The following MTHFD1 variants were observed in gnomAD, a reference collection of about 807,000 sequenced individuals.
MTHFD1 encodes C-1-tetrahydrofolate synthase, cytoplasmic.
MTHFD1 carries 44 observed loss-of-function variants against 110.3 expected under a neutral mutation model. The observed-to-expected ratio is 0.40, with a 90% CI of 0.31 to 0.51. The LOEUF is 0.51. MTHFD1 is among the 20% of genes least tolerant of loss of function. MTHFD1 has a pLI of 0.60. For missense variants in MTHFD1, 909 were observed against 1,173.1 expected, an observed-to-expected ratio of 0.77 and a Z score of 3.29; for synonymous variants, 402 against 428.8, an observed-to-expected ratio of 0.94 and a Z score of 0.77.
At chr14:64,441,053 AT>A (rs368314634) in intron 18 of MTHFD1, 15 of 352,864 alleles carry the variant, frequency 4.3e-5, no homozygotes, top group Non-Finnish European at 6.6e-5. Flanking sequence ...TTAGCCGGGC[AT>A]AGTGGCGGGT....
At chr14:64,410,946 A>G in intron 2 of MTHFD1, 144 bp from the exon 3 acceptor site, 1 of 690,572 alleles carries the variant, frequency 1.4e-6, no homozygotes, top group Non-Finnish European at 2.6e-6. Context: ...CTGCCCCCAC[A>G]GCCTCCCTAT....
At chr14:64,407,544 CTCTTTTTTT>C (rs2077944743) in intron 2 of MTHFD1, among the ~76,000 whole-genome samples, 14 of 65,044 alleles carry the variant, frequency 2.2e-4, no homozygotes. Context: ...CTCACTCTCT[CTCTTTTTTT>C]TTTTTTTTTG....
chr14:64,389,913 T>C (rs531971093), intron 1 of MTHFD1, among the ~76,000 whole-genome samples: 61 of 152,334 alleles, frequency 4.0e-4, no homozygotes, highest in Non-Finnish European at 2.5e-4. Flanking sequence ...ATAATAATAG[T>C]GCAGATAATT....
Position 64,416,345 on chromosome 14 carries a change from C to T in MTHFD1, c.478+606C>T, listed in dbSNP as rs571213150. Among the ~76,000 whole-genome samples the T allele has an allele frequency of 2.7e-4, 41 of 152,274 alleles. No homozygotes were observed. In the South Asian group the frequency reaches 8.5e-3, roughly 32 times the overall value. On this transcript the variant is annotated intron_variant, in intron 6 of 27. Coordinates refer to ENST00000652337, the MANE Select transcript of MTHFD1 (RefSeq NM_005956.4). The stretch of plus-strand genomic sequence containing the variant: ...AACCAAGATTTGAATTCAGAGTTAT[C>T]TGAGTTCAAAGCAATTTATTTTAAC...
At chr14:64,429,357 G>C (rs1030944580) in intron 12 of MTHFD1, among the ~76,000 whole-genome samples, 2 of 147,026 alleles carry the variant, frequency 1.4e-5, no homozygotes, top group African/African-American at 5.1e-5. Flanking sequence ...GTCTTGCTCT[G>C]TCTGGAGTCC....
intron 22 of MTHFD1, 47 bp downstream of exon 22, chr14:64,444,781 T>G: frequency 6.3e-7 from 1 of 1,596,150 alleles, no homozygotes; most frequent in Non-Finnish European, 8.6e-7. Context: ...GCACCACACC[T>G]TGAATCAGCA....
At chr14:64,408,450 G>A (rs2077955617) in intron 2 of MTHFD1, among the ~76,000 whole-genome samples, 1 of 152,006 alleles carries the variant, frequency 6.6e-6, no homozygotes, top group Non-Finnish European at 1.5e-5. Flanking sequence ...CATCATGACT[G>A]GCTAATATTT....
At position 64,426,139 on chromosome 14, in the gene MTHFD1, A is replaced by C. The variant is rs747028981; in HGVS notation, c.1074A>C (p.Ser358=). The C allele has an allele frequency of 5.9e-5, 96 of 1,614,180 alleles. No individual in the cohort carries two copies. The highest frequency in any genetic ancestry group is 8.1e-5 in the Non-Finnish European group (95 of 1,180,036). The change falls in exon 11 of 28, where the codon TCA becomes TCC. Residue 358 remains serine, a synonymous_variant. Transcript: ENST00000652337. ...AAACAAAGGCCAAAGTTCTGCTGTC[A>C]GCACTAGAACGCCTGAAGCACCGGC... The part of the protein sequence containing the change: ...YGETKAKVLL[S]ALERLKHRPD...
intron 22 of MTHFD1, among the ~76,000 whole-genome samples, chr14:64,445,780 G>T (rs960542434): frequency 6.6e-6 from 1 of 152,196 alleles, no homozygotes; most frequent in Admixed American, 6.5e-5. Context: ...ACTGCCCCTA[G>T]CTGGCCCAGC....
rs187095066 is a variant in MTHFD1, at chr14:64,434,845, G to T, written c.1495-724G>T. Among the ~76,000 whole-genome samples the T allele has an allele frequency of 5.7e-4, 86 of 150,202 alleles. 2 individuals are homozygous for T. The East Asian group carries it at 0.016, about 28-fold the overall frequency. ...TGTTTTTTTTTTTTTTTTGAGACAG[G>T]GTCTTGCTCTGTCACCCAGGCTGTA... On this transcript the variant is annotated intron_variant, in intron 15 of 27. Transcript: ENST00000652337.
chr14:64,390,314 C>G (rs374053766), intron 1 of MTHFD1: 2 of 144,374 alleles, frequency 1.4e-5, no homozygotes, highest in African/African-American at 5.1e-5. Context: ...GATTCATTAT[C>G]TTTTTTTTTT....
At chr14:64,399,786 T>C (rs1007375788) in intron 1 of MTHFD1, among the ~76,000 whole-genome samples, 25 of 152,184 alleles carry the variant, frequency 1.6e-4, no homozygotes, top group Non-Finnish European at 3.5e-4. Flanking sequence ...TTTTATTTTA[T>C]TTTATTTTGG....
chr14:64,389,359 A>C (rs1428089763), intron 1 of MTHFD1, among the ~76,000 whole-genome samples: 1 of 152,166 alleles, frequency 6.6e-6, no homozygotes, highest in Non-Finnish European at 1.5e-5. Flanking sequence ...CTAAATTGTA[A>C]TTGTCCTGTA....
chr14:64,406,705 C>A (rs2077938970), intron 2 of MTHFD1, among the ~76,000 whole-genome samples: 1 of 152,198 alleles, frequency 6.6e-6, no homozygotes, highest in South Asian at 2.1e-4. Context: ...AGACTGAGCT[C>A]AAGTGATCCA....
At position 64,442,150 on chromosome 14, in the gene MTHFD1, C is replaced by T. The variant is rs2078254437; in HGVS notation, c.1981C>T (p.Pro661Ser). The change falls in exon 20 of 28, where the codon CCA becomes TCA. Residue 661 changes from proline to serine, a missense_variant. This residue lies in a region of MTHFD1 where 482 missense variants were observed against 646.0 expected (regional missense o/e 0.75). Transcript: ENST00000652337. ...ADRIALKLVGPEGFVVTEAGF... is the reference protein window; with the variant it reads ...ADRIALKLVGSEGFVVTEAGF... ...CCGGATCGCACTCAAGCTTGTTGGC[C>T]CAGAAGGGTTTGTAGGTTAGTGTTT... 3.1e-6 allele frequency: 5 copies of T among 1,614,082 alleles called. No homozygotes were observed. Among genetic ancestry groups the T allele is most frequent in the South Asian group, 1.1e-5 (1 of 91,076 alleles).
At chr14:64,433,693 G>A (rs576144628) in intron 15 of MTHFD1, among the ~76,000 whole-genome samples, 28 of 148,984 alleles carry the variant, frequency 1.9e-4, no homozygotes, top group African/African-American at 7.0e-4. Context: ...GGGATTACTT[G>A]CATGAACCAC....
rs769927214 is a variant in MTHFD1 at position 64,427,350 on chromosome 14, C to T, written c.1141C>T (p.Pro381Ser). The T allele has an allele frequency of 9.3e-6, 15 of 1,614,108 alleles. No individual in the cohort carries two copies. The highest frequency in any genetic ancestry group is 5.0e-5 in the Admixed American group (3 of 60,004). The change falls in exon 12 of 28, where the codon CCC (proline) becomes TCC (serine). Residue 381 changes from proline (P) to serine (S), a missense_variant. Transcript: ENST00000652337. The stretch of plus-strand genomic sequence containing the variant: ...TTCGTCTTGAAGAATAACTCCAACA[C>T]CCCTGGGAGAAGGGAAAAGCACAAC... ...YVVVTGITPT[P>S]LGEGKSTTTI...
intron 1 of MTHFD1, among the ~76,000 whole-genome samples, chr14:64,392,339 T>C (rs912334089): frequency 2.6e-5 from 4 of 152,162 alleles, no homozygotes; most frequent in African/African-American, 7.2e-5. Context: ...TGTGCATTAG[T>C]GTTGGAAGAC....
chr14:64,444,594 A>C, intron 21 of MTHFD1, 99 bp from the exon 22 acceptor site: 1 of 1,321,300 alleles, frequency 7.6e-7, no homozygotes, highest in Non-Finnish European at 1.1e-6. Flanking sequence ...TACAGCCTGC[A>C]AGCATTGCAG....
Sources: allele counts gnomAD v4.1 joint callset (sites outside exome capture counted in the v4.1 genomes callset), GRCh38; gene constraint gnomAD v4.1.1; regional missense constraint gnomAD v4.1.1; transcripts MANE v1.5; gene names NCBI Gene and HGNC (gene_info 2026-07-23, HGNC 2026-07-21).